Variants in TAS1R1 observed in about 807,000 individuals in gnomAD.
TAS1R1 encodes taste receptor type 1 member 1.
Under a neutral mutation model 45.8 loss-of-function variants are expected in TAS1R1, and 31 were observed. The observed-to-expected ratio is 0.68, with a 90% CI of 0.51 to 0.91. The LOEUF (loss-of-function observed/expected upper bound fraction) is 0.91. TAS1R1 is among the 40% of genes least tolerant of loss of function. The probability of loss-of-function intolerance (pLI) is 0.00; values close to 1 mark genes in which losing one functional copy is unlikely to be tolerated. For missense variants in TAS1R1, 1,051 were observed against 1,063.9 expected (o/e 0.99, Z 0.17); for synonymous variants, 437 against 448.4 (o/e 0.97, Z 0.32).
At chr1:6,571,347 C>A in intron 2 of TAS1R1, 132 bp downstream of exon 2, 2 of 971,838 alleles carry the variant, frequency 2.1e-6, no homozygotes, top group Non-Finnish European at 3.0e-6. Context: ...GCTCTTTAGT[C>A]ACAAGTCAGG....
intron 1 of TAS1R1, among the ~76,000 whole-genome samples, chr1:6,556,271 G>A (rs1639682530): frequency 6.6e-6 from 1 of 152,106 alleles, no homozygotes; most frequent in African/African-American, 2.4e-5. Context: ...TCATGGGGTG[G>A]GAAGGGAAGA....
intron 1 of TAS1R1, among the ~76,000 whole-genome samples, chr1:6,566,739 G>C (rs1639878365): frequency 6.6e-6 from 1 of 152,218 alleles, no homozygotes; most frequent in Non-Finnish European, 1.5e-5. Context: ...GGGACTACAG[G>C]TGCCCGCCAC....
At chr1:6,555,935 G>T (rs1314251520) in intron 1 of TAS1R1, among the ~76,000 whole-genome samples, 4 of 127,100 alleles carry the variant, frequency 3.1e-5, no homozygotes, top group African/African-American at 1.1e-4. Context: ...GCAGTGGCGC[G>T]ATCTCAGCTC....
rs188769057 is a variant in TAS1R1, at chr1:6,563,460, G to A, written c.192-7449G>A. On this transcript the variant is annotated intron_variant, in intron 1 of 5. Coordinates refer to ENST00000333172, the MANE Select transcript of TAS1R1 (RefSeq NM_138697.4). Reference sequence around the variant, plus strand: ...GCGCCGTGTCAGAGTGTTTTCTGTCGTATCTATGATAGAAAATTTAGCCAA... The same window carrying A: ...GCGCCGTGTCAGAGTGTTTTCTGTCATATCTATGATAGAAAATTTAGCCAA... Among the ~76,000 whole-genome samples the A allele has an allele frequency of 1.3e-4, 20 of 152,288 alleles. No homozygotes were observed. The East Asian group carries it at 2.3e-3, about 18-fold the overall frequency.
At chr1:6,577,640 C>T (rs1191728178) in intron 5 of TAS1R1, among the ~76,000 whole-genome samples, 1 of 151,628 alleles carries the variant, frequency 6.6e-6, no homozygotes, top group Admixed American at 6.6e-5. Context: ...GCCTGACCAA[C>T]ATGGTGAAAC....
intron 3 of TAS1R1, among the ~76,000 whole-genome samples, chr1:6,575,695 TC>T (rs201318129): frequency 0.73 from 93,772 of 128,846 alleles, 35,526 homozygotes; most frequent in East Asian, 0.89. Context: ...ATTTTTCTTT[TC>T]TTTTTTTTTT....
Position 6,579,115 on chromosome 1 carries a change from G to C in TAS1R1, c.2057G>C (p.Ser686Thr). The C allele has an allele frequency of 1.2e-6, 2 of 1,614,196 alleles. No homozygotes were observed. The highest frequency in any genetic ancestry group is 1.7e-6 in the Non-Finnish European group (2 of 1,180,042). The stretch of plus-strand genomic sequence containing the variant: ...GGTGCTGGCCTGTTTGTGATGATCA[G>C]CTCAGCGGCCCAGCTGCTTATCTGT... ...NHGAGLFVMI[S>T]SAAQLLICLT... The change falls in exon 6 of 6, where the codon AGC becomes ACC. Residue 686 changes from serine to threonine, a missense_variant. By Grantham distance (58) the Ser-to-Thr change is moderately conservative (BLOSUM62 1). Transcript: ENST00000333172.
intron 3 of TAS1R1, among the ~76,000 whole-genome samples, chr1:6,575,888 G>C (rs908985309): frequency 2.6e-5 from 4 of 151,964 alleles, no homozygotes; most frequent in African/African-American, 9.7e-5. Context: ...TAGAGACGGG[G>C]TTTCACCATG....
chr1:6,575,728 T>C (rs1640154026), intron 3 of TAS1R1, among the ~76,000 whole-genome samples: 1 of 149,754 alleles, frequency 6.7e-6, no homozygotes, highest in Non-Finnish European at 1.5e-5. Flanking sequence ...AGTCTCGCTC[T>C]GTTGCCCAGG....
chr1:6,562,655 C>T (rs1424375352), intron 1 of TAS1R1, among the ~76,000 whole-genome samples: 1 of 152,146 alleles, frequency 6.6e-6, no homozygotes, highest in Non-Finnish European at 1.5e-5. Context: ...GTTAGCTGTA[C>T]GGCTCTGCGT....
intron 1 of TAS1R1, among the ~76,000 whole-genome samples, chr1:6,561,875 G>A (rs1254056975): frequency 6.6e-6 from 1 of 152,166 alleles, no homozygotes; most frequent in East Asian, 1.9e-4. Context: ...GGGCTACGAG[G>A]TCCAGTGGAG....
intron 1 of TAS1R1, among the ~76,000 whole-genome samples, chr1:6,556,686 G>A (rs1166473798): frequency 3.3e-5 from 5 of 151,738 alleles, no homozygotes; most frequent in Admixed American, 2.0e-4. Flanking sequence ...ATAGGCTTGA[G>A]CCACCGCGCC....
At chr1:6,569,414 A>G (rs1293494836) in intron 1 of TAS1R1, among the ~76,000 whole-genome samples, 4 of 152,302 alleles carry the variant, frequency 2.6e-5, no homozygotes, top group Admixed American at 6.5e-5. Context: ...CTAAGTCTTT[A>G]AGGACATTGA....
chr1:6,578,871 T>C lies in TAS1R1; in HGVS notation c.1813T>C (p.Cys605Arg). The C allele has an allele frequency of 6.2e-7, 1 of 1,608,860 alleles. No individual in the cohort carries two copies. Among genetic ancestry groups the C allele is most frequent in the Non-Finnish European group, 8.5e-7 (1 of 1,176,286 alleles). The change falls in exon 6 of 6, where the codon TGC becomes CGC. Residue 605 changes from cysteine (C) to arginine (R), a missense_variant. Cys to Arg is a radical substitution (Grantham distance 180, BLOSUM62 -3). Coordinates refer to ENST00000333172, the MANE Select transcript of TAS1R1 (RefSeq NM_138697.4). ...PVVRSAGGRL[C>R]FLMLGSLAAG... ...GGTGAGGTCAGCAGGGGGCCGCCTG[T>C]GCTTTCTTATGCTGGGCTCCCTGGC...
intron 1 of TAS1R1, among the ~76,000 whole-genome samples, chr1:6,561,504 G>A (rs769285000): frequency 2.6e-5 from 4 of 152,154 alleles, no homozygotes; most frequent in Non-Finnish European, 5.9e-5. Context: ...GAGGTCAGGA[G>A]ATCAAGACCA....
At chr1:6,572,152 T>C (rs1392464452) in intron 2 of TAS1R1, among the ~76,000 whole-genome samples, 2 of 152,170 alleles carry the variant, frequency 1.3e-5, no homozygotes, top group African/African-American at 2.4e-5. Flanking sequence ...CCTGCCCTCA[T>C]TGACCCTCAG....
rs781280561 is a variant in TAS1R1 at position 6,579,510 on chromosome 1, C to T, written c.2452C>T (p.Arg818Cys). 1.9e-6 allele frequency: 3 copies of T among 1,613,828 alleles called. No homozygotes were observed. Among genetic ancestry groups the T allele is most frequent in the Non-Finnish European group, 2.5e-6 (3 of 1,180,038 alleles). The change falls in exon 6 of 6, where the codon CGC becomes TGC. Residue 818 changes from arginine to cysteine, a missense_variant. Arg to Cys is a radical substitution (Grantham distance 180, BLOSUM62 -3). Coordinates refer to ENST00000333172, the MANE Select transcript of TAS1R1 (RefSeq NM_138697.4). ...GCCTAAGTGCTACGTGATCCTCTGC[C>T]GCCCAGACCTCAACAGCACAGAGCA... ...FLPKCYVILC[R>C]PDLNSTEHFQ...
rs779546723 is a variant in TAS1R1, at chr1:6,555,495, C to T, written c.122C>T (p.Ala41Val). ...DFTLPGDYLL[A>V]GLFPLHSGCL... The stretch of plus-strand genomic sequence containing the variant: ...ACCCTCCCCGGAGATTACCTCCTGG[C>T]AGGCCTGTTCCCTCTCCATTCTGGC... Residue 41 changes from alanine (A) to valine (V), a missense_variant, in exon 1 of 6, where the codon GCA becomes GTA. By Grantham distance (64) the Ala-to-Val change is moderately conservative. Transcript: ENST00000333172. The T allele has an allele frequency of 1.7e-5, 27 of 1,571,144 alleles. No homozygotes were observed. The South Asian group carries it at 2.2e-4, about 13-fold the overall frequency.
chr1:6,574,796 C>T lies in TAS1R1; in HGVS notation c.664C>T (p.Gln222Ter). 6.2e-7 allele frequency: 1 copy of T among 1,614,262 alleles called. No individual in the cohort carries two copies. Among genetic ancestry groups the T allele is most frequent in the Non-Finnish European group, 8.5e-7 (1 of 1,180,050 alleles). The change falls in exon 3 of 6, where the codon CAG (glutamine) becomes TAG (stop). Residue 222 changes from glutamine (Q) to a stop codon, truncating the protein, a stop_gained. Coordinates refer to ENST00000333172, the MANE Select transcript of TAS1R1 (RefSeq NM_138697.4). LOFTEE classifies it high-confidence loss of function. The surrounding 1 kb of genome is among the most constrained non-coding windows in gnomAD (Gnocchi z 4.3). ...SLVGSSDDYG[Q>*]LGVQALENQA... is the part of the protein sequence containing the mutation. ...GGTTGGCAGCAGTGACGACTATGGG[C>T]AGCTAGGGGTGCAGGCACTGGAGAA...
Sources: gnomAD v4.1 joint callset for allele counts (sites outside exome capture counted in the v4.1 genomes callset) on GRCh38, gnomAD v4.1.1 for gene constraint, Gnocchi (gnomAD v3.1) non-coding constraint, MANE v1.5 for transcripts, NCBI Gene and HGNC (gene_info 2026-07-23, HGNC 2026-07-21) for gene names.